Variants in TRIM15 observed in about 807,000 individuals in gnomAD.
TRIM15 encodes E3 ubiquitin-protein ligase TRIM15.
In TRIM15, 35 loss-of-function variants were observed where a neutral mutation model predicts 35.8. The ratio of observed to expected loss-of-function variants is 0.98; its 90% CI spans 0.75 to 1.30. TRIM15 has a LOEUF of 1.30. Ranked by LOEUF, TRIM15 falls within the 50% of genes most tolerant of loss-of-function variation. The pLI is 0.00. For synonymous variants in TRIM15, 252 were observed against 249.8 expected (o/e 1.01, Z -0.08); for missense variants, 590 against 593.5 (o/e 0.99, Z 0.06).
At chr6:30,169,537 A>G (rs1773866103) in intron 4 of TRIM15, 2 of 685,866 alleles carry the variant, frequency 2.9e-6, no homozygotes, top group South Asian at 1.5e-5. Context: ...TGATCCAGGA[A>G]CATTTATTTA....
At chr6:30,165,549 G>C (rs1773537147) in intron 1 of TRIM15, among the ~76,000 whole-genome samples, 2 of 152,200 alleles carry the variant, frequency 1.3e-5, no homozygotes, top group Non-Finnish European at 2.9e-5. Flanking sequence ...TGTGAACAGT[G>C]CTGCAATAAA....
rs769486281 is a variant in TRIM15 at position 30,172,042 on chromosome 6, C to T, written c.1091C>T (p.Thr364Met). 3.0e-5 allele frequency: 47 copies of T among 1,570,726 alleles called. No individual in the cohort carries two copies. The Admixed American group carries it at 4.8e-4, about 16-fold the overall frequency. Residue 364 changes from threonine to methionine, a missense_variant, in exon 7 of 7, where the codon ACG becomes ATG. By Grantham distance (81) the Thr-to-Met change is moderately conservative. Coordinates refer to ENST00000376694, the MANE Select transcript of TRIM15 (RefSeq NM_033229.3). ...DLQLGDGGGC[T>M]VGVAGEGVRR... The stretch of plus-strand genomic sequence containing the variant: ...CAGCTGGGCGACGGCGGCGGCTGCA[C>T]GGTGGGGGTGGCCGGGGAGGGGGTG...
At position 30,172,248 on chromosome 6, in the gene TRIM15, A is replaced by G. The variant is rs1183959678; in HGVS notation, c.1297A>G (p.Thr433Ala). The G allele has an allele frequency of 1.9e-6, 3 of 1,612,648 alleles. No homozygotes were observed. Among genetic ancestry groups the G allele is most frequent in the East Asian group, 2.2e-5 (1 of 44,892 alleles). ...GCAGGTGACCCTCCACAACGCCCAG[A>G]CCCAGGAGCCCATCTTCACCTTCAC... is the stretch of plus-strand genomic sequence containing the variant. ...AGQVTLHNAQTQEPIFTFTAS... is the reference protein window; with the variant it reads ...AGQVTLHNAQAQEPIFTFTAS... Residue 433 changes from threonine to alanine, a missense_variant, in exon 7 of 7, where the codon ACC becomes GCC. Physicochemically the swap from Thr to Ala is moderately conservative, Grantham distance 58. Transcript: ENST00000376694.
chr6:30,170,060 A>T (rs898181683), intron 4 of TRIM15, among the ~76,000 whole-genome samples: 2 of 152,264 alleles, frequency 1.3e-5, no homozygotes, highest in African/African-American at 4.8e-5. Flanking sequence ...AGCTGGGACC[A>T]GAATCAGGAG....
chr6:30,168,138 T>C (rs1773741999), intron 2 of TRIM15, among the ~76,000 whole-genome samples, 162 bp from the exon 3 acceptor site: 1 of 152,212 alleles, frequency 6.6e-6, no homozygotes, highest in African/African-American at 2.4e-5. Flanking sequence ...CATTGGTAAG[T>C]TCATCCTGAG....
At chr6:30,165,152 G>A (rs747850247) in intron 1 of TRIM15, among the ~76,000 whole-genome samples, 2 of 151,266 alleles carry the variant, frequency 1.3e-5, no homozygotes, top group Admixed American at 1.3e-4. Flanking sequence ...TATGCAGAAC[G>A]TGCAGGTTTG....
chr6:30,172,484 G>A lies in TRIM15; in HGVS notation c.*135G>A. 1 of 1,337,296 alleles carries A rather than the reference G, an allele frequency of 7.5e-7. No individual in the cohort carries two copies. The allele number at this position is 1,337,296 out of a possible 1,614,324, so 82.8% of individuals were successfully genotyped here. On this transcript the variant is annotated 3_prime_UTR_variant, in exon 7 of 7. Coordinates refer to ENST00000376694, the MANE Select transcript of TRIM15 (RefSeq NM_033229.3). ...GAACAGGGGACTTGAGTCTCGAACA[G>A]CGGTTGTTTTTACTTTATTTATCTT...
chr6:30,168,396 A>T lies in TRIM15; in HGVS notation c.574A>T (p.Arg192Trp). Reference sequence around the variant, plus strand: ...GCGATGTCTCCTGCTGGCCAGGCTGAGGGAGCTGGAGCAGCAGATTTGGAA... The same window carrying T: ...GCGATGTCTCCTGCTGGCCAGGCTGTGGGAGCTGGAGCAGCAGATTTGGAA... ...QQRCLLLARL[R>W]ELEQQIWKER... is the part of the protein sequence containing the mutation. The change falls in exon 3 of 7, where the codon AGG (arginine) becomes TGG (tryptophan). Residue 192 changes from arginine to tryptophan, a missense_variant. Physicochemically the swap from Arg to Trp is moderately radical, Grantham distance 101 (BLOSUM62 -3). Transcript: ENST00000376694. 1 of 1,613,032 alleles carries T rather than the reference A, an allele frequency of 6.2e-7. No individual in the cohort carries two copies.
chr6:30,169,797 A>G, intron 4 of TRIM15: 1 of 337,738 alleles, frequency 3.0e-6, no homozygotes, highest in South Asian at 2.4e-5. Flanking sequence ...TGCTATAAGC[A>G]TTAGCAGTCT....
chr6:30,169,001 A>T (rs1020061099), intron 3 of TRIM15, among the ~76,000 whole-genome samples: 2 of 152,156 alleles, frequency 1.3e-5, no homozygotes, highest in African/African-American at 4.8e-5. Context: ...TTGCAGACAC[A>T]ACCCACCCCC....
At chr6:30,166,254 T>G (rs1406111900) in intron 1 of TRIM15, among the ~76,000 whole-genome samples, 1 of 152,230 alleles carries the variant, frequency 6.6e-6, no homozygotes, top group Non-Finnish European at 1.5e-5. Flanking sequence ...GTTTAAGTCT[T>G]TAATCCATCT....
At chr6:30,164,398 C>G (rs1773432758) in intron 1 of TRIM15, among the ~76,000 whole-genome samples, 1 of 152,164 alleles carries the variant, frequency 6.6e-6, no homozygotes, top group African/African-American at 2.4e-5. Flanking sequence ...TAAACTTGTT[C>G]TCCCAGGATC....
chr6:30,163,926 C>T lies in TRIM15; in HGVS notation c.242C>T (p.Thr81Ile), dbSNP rs1370719491. The stretch of plus-strand genomic sequence containing the variant: ...GTGCCCCTGGGCCCGCTGGGAGAAA[C>T]TTACTGCGAGGAGCACGGCGAGAAG... ...APVPLGPLGE[T>I]YCEEHGEKIY... Residue 81 changes from threonine to isoleucine, a missense_variant, in exon 1 of 7, where the codon ACT becomes ATT. Transcript: ENST00000376694. The T allele has an allele frequency of 6.8e-6, 11 of 1,613,012 alleles. No individual in the cohort carries two copies. Among genetic ancestry groups the T allele is most frequent in the Non-Finnish European group, 8.5e-6 (10 of 1,180,050 alleles).
At position 30,172,541 on chromosome 6, in the gene TRIM15, C is replaced by A; in HGVS notation, c.*192C>A. 1 of 859,956 alleles carries A rather than the reference C, an allele frequency of 1.2e-6. No homozygotes were observed. The allele number at this position is 859,956 out of a possible 1,614,324, so 53.3% of individuals were successfully genotyped here. A position where few individuals can be genotyped will look rare whatever the true frequency, so the allele number is the denominator to read the frequency against. ...TCAGCTCCCTGACGTCCTGAGCCTC[C>A]CTGTGACGCTCTGGCCTTCTCTGTA... On this transcript the variant is annotated 3_prime_UTR_variant, in exon 7 of 7. Transcript: ENST00000376694.
Position 30,163,673 on chromosome 6 carries a change from G to T in TRIM15, c.-12G>T. 6.3e-7 allele frequency: 1 copy of T among 1,592,020 alleles called. No individual in the cohort carries two copies. The highest frequency in any genetic ancestry group is 8.6e-7 in the Non-Finnish European group (1 of 1,167,722). ...AGGAGACCGGAGTGGACGGGCTGGGGAAGGCACCGTGATGCCCGCAACCCC... is the reference window on the plus strand; with the variant it reads ...AGGAGACCGGAGTGGACGGGCTGGGTAAGGCACCGTGATGCCCGCAACCCC... On this transcript the variant is annotated 5_prime_UTR_variant, in exon 1 of 7. Transcript: ENST00000376694.
At position 30,172,659 on chromosome 6, in the gene TRIM15, G is replaced by A. The variant is rs1774132800; in HGVS notation, c.*310G>A. ...GGCTTTCGGGGAAAAAAAAGAAAAAGACATCTAAAATAAAATGTTTAAACT... is the reference window on the plus strand; with the variant it reads ...GGCTTTCGGGGAAAAAAAAGAAAAAAACATCTAAAATAAAATGTTTAAACT... On this transcript the variant is annotated 3_prime_UTR_variant, in exon 7 of 7. Transcript: ENST00000376694. 3.3e-6 allele frequency: 2 copies of A among 601,180 alleles called. No homozygotes were observed. Among genetic ancestry groups the A allele is most frequent in the Non-Finnish European group, 6.0e-6 (2 of 331,374 alleles). The allele number at this position is 601,180 out of a possible 1,614,324, so 37.2% of individuals were successfully genotyped here.
rs773310621 is a variant in TRIM15 at position 30,172,014 on chromosome 6, C to T, written c.1063C>T (p.Leu355=). 1.9e-6 allele frequency: 3 copies of T among 1,576,328 alleles called. No homozygotes were observed. Among genetic ancestry groups the T allele is most frequent in the Non-Finnish European group, 2.6e-6 (3 of 1,160,470 alleles). ...CGGGCGCCACCGCTGGCAGGTTGAC[C>T]TGCAGCTGGGCGACGGCGGCGGCTG... is the stretch of plus-strand genomic sequence containing the variant. ...SSGRHRWQVD[L]QLGDGGGCTV... The change falls in exon 7 of 7, where the codon CTG becomes TTG. Residue 355 remains leucine, a synonymous_variant. Transcript: ENST00000376694.
In TRIM15 at chr6:30,163,577, TTG is replaced by T; in HGVS notation, c.-107_-106del. ...CTTTCTCTCTCTCTGTCTCTTAGCCTTGCAGCCGTTTCCCTCTGCGATTCATG... is the reference window on the plus strand; with the variant it reads ...CTTTCTCTCTCTCTGTCTCTTAGCCTCAGCCGTTTCCCTCTGCGATTCATG... On this transcript the variant is annotated 5_prime_UTR_variant, in exon 1 of 7. Transcript: ENST00000376694. The T allele has an allele frequency of 8.1e-5, 115 of 1,414,930 alleles. No individual in the cohort carries two copies. Among genetic ancestry groups the T allele is most frequent in the Middle Eastern group, 2.5e-4 (1 of 4,016 alleles). The allele number at this position is 1,414,930 out of a possible 1,614,324, so 87.6% of individuals were successfully genotyped here.
chr6:30,169,240 G>T lies in TRIM15; in HGVS notation c.709-1G>T, dbSNP rs753827752. The T allele has an allele frequency of 1.9e-5, 31 of 1,613,048 alleles. No homozygotes were observed. The highest frequency in any genetic ancestry group is 2.6e-5 in the Non-Finnish European group (31 of 1,180,042). ...TGTATGTTCTTGTCTTTCTTTTGCA[G>T]GATGTCAGAGTCAACCAGAGCAGGT... On this transcript the variant is annotated splice_acceptor_variant, in intron 3 of 6. Coordinates refer to ENST00000376694, the MANE Select transcript of TRIM15 (RefSeq NM_033229.3). LOFTEE classifies it high-confidence loss of function.
Sources: gnomAD v4.1 joint callset for allele counts (sites outside exome capture counted in the v4.1 genomes callset) on GRCh38, gnomAD v4.1.1 for gene constraint, MANE v1.5 for transcripts, NCBI Gene and HGNC (gene_info 2026-07-23, HGNC 2026-07-21) for gene names.